PCDHGA3: variants seen among roughly 807,000 people sequenced by gnomAD.
PCDHGA3 encodes protocadherin gamma subfamily A, 3, also known as protocadherin gamma-A3.
A neutral mutation model predicts 58.5 loss-of-function variants in PCDHGA3; 40 were observed. That is an observed-to-expected ratio of 0.68 (90% CI 0.53 to 0.89). The LOEUF (loss-of-function observed/expected upper bound fraction) is 0.89, where lower values mean the gene tolerates loss of function less well. Among genes scored for constraint, PCDHGA3 ranks in the 40% least tolerant of loss-of-function variants. PCDHGA3 has a pLI of 0.00. For synonymous variants in PCDHGA3, 530 were observed against 525.7 expected, an observed-to-expected ratio of 1.01 and a Z score of -0.11; for missense variants, 1,223 against 1,195.9, an observed-to-expected ratio of 1.02 and a Z score of -0.33.
chr5:141,429,851 TC>T (rs1447325775), intron 1 of PCDHGA3, among the ~76,000 whole-genome samples: 2 of 152,224 alleles, frequency 1.3e-5, no homozygotes, highest in African/African-American at 4.8e-5. Context: ...TCTGTAACAT[TC>T]TTTGGACTAC....
At chr5:141,371,131 T>C (rs746254566) in intron 1 of PCDHGA3, 1 of 1,614,004 alleles carries the variant, frequency 6.2e-7, no homozygotes, top group South Asian at 1.1e-5. Flanking sequence ...ACTCAGGACA[T>C]GTACAGGGTC....
rs911461762 is a variant in PCDHGA3 at position 141,512,938 on chromosome 5, T to C, written c.*1765T>C. The stretch of plus-strand genomic sequence containing the variant: ...ACTCTAATATTTATATGGCTTTTTT[T>C]CTTCGACAAAAAAATAATAAAACGT... On this transcript the variant is annotated 3_prime_UTR_variant, in exon 4 of 4. Coordinates refer to ENST00000253812, the MANE Select transcript of PCDHGA3 (RefSeq NM_018916.4). 6.6e-6 allele frequency: 1 copy of C among 151,928 alleles called. No homozygotes were observed. Among genetic ancestry groups the C allele is most frequent in the Non-Finnish European group, 1.5e-5 (1 of 67,934 alleles). The allele number at this position is 151,928 out of a possible 1,614,324, so 9.4% of individuals were successfully genotyped here.
Position 141,476,698 on chromosome 5 carries a change from G to T in PCDHGA3, c.2425-18109G>T. The T allele has an allele frequency of 4.3e-6, 7 of 1,614,056 alleles. No homozygotes were observed. Among genetic ancestry groups the T allele is most frequent in the Non-Finnish European group, 5.9e-6 (7 of 1,179,986 alleles). ...CGCGGGAGGACAGCACCAAGTACGC[G>T]GAGCTGGTGTTGGAGCGCGCCCTGG... On this transcript the variant is annotated intron_variant, in intron 1 of 3. Coordinates refer to ENST00000253812, the MANE Select transcript of PCDHGA3 (RefSeq NM_018916.4). The surrounding 1 kb of genome is among the most constrained non-coding windows in gnomAD (Gnocchi z 7.6).
intron 1 of PCDHGA3, chr5:141,376,548 T>A: frequency 6.2e-7 from 1 of 1,612,424 alleles, no homozygotes; most frequent in South Asian, 1.1e-5. Flanking sequence ...TAATCTGATC[T>A]TCCCGCAACC....
intron 1 of PCDHGA3, chr5:141,423,323 C>T (rs200492485): frequency 6.2e-7 from 1 of 1,614,146 alleles, no homozygotes; most frequent in East Asian, 2.2e-5. Flanking sequence ...GTGGCGGTGG[C>T]CGCAGTCTCC....
chr5:141,476,727 G>A lies in PCDHGA3; in HGVS notation c.2425-18080G>A, dbSNP rs762236731. On this transcript the variant is annotated intron_variant, in intron 1 of 3. Coordinates refer to ENST00000253812, the MANE Select transcript of PCDHGA3 (RefSeq NM_018916.4). This position sits in a 1 kb window ranked among gnomAD's most constrained non-coding sequence, Gnocchi z 7.6. ...CTGGTGTTGGAGCGCGCCCTGGACC[G>A]AGAACGGGAGCCTAGTCTCCAGTTA... 5 of 1,614,108 alleles carry A rather than the reference G, an allele frequency of 3.1e-6. No individual in the cohort carries two copies. Among genetic ancestry groups the A allele is most frequent in the Non-Finnish European group, 4.2e-6 (5 of 1,180,032 alleles).
intron 1 of PCDHGA3, chr5:141,356,208 A>G (rs770917975): frequency 1.2e-6 from 2 of 1,605,788 alleles, no homozygotes; most frequent in Admixed American, 1.7e-5. Context: ...TACTGGTGAC[A>G]GTTCTGGATG....
In PCDHGA3 at chr5:141,346,223, C is replaced by T. The variant is rs376373404; in HGVS notation, c.2190C>T (p.Gly730=). The part of the protein sequence containing the change: ...HKSRLLQASG[G]GLASTPGSHF... Reference sequence around the variant, plus strand: ...CACGCCTGCTGCAGGCTTCGGGAGGCGGCTTGGCGAGTACGCCCGGCTCGC... The same window carrying T: ...CACGCCTGCTGCAGGCTTCGGGAGGTGGCTTGGCGAGTACGCCCGGCTCGC... The change falls in exon 1 of 4, where the codon GGC becomes GGT. Residue 730 remains glycine (G), a synonymous_variant. Coordinates refer to ENST00000253812, the MANE Select transcript of PCDHGA3 (RefSeq NM_018916.4). 48 of 1,614,092 alleles carry T rather than the reference C, an allele frequency of 3.0e-5. No homozygotes were observed. Among genetic ancestry groups the T allele is most frequent in the African/African-American group, 2.0e-4 (15 of 74,956 alleles).
At chr5:141,369,170 A>G (rs374004034) in intron 1 of PCDHGA3, among the ~76,000 whole-genome samples, 1 of 152,236 alleles carries the variant, frequency 6.6e-6, no homozygotes, top group Non-Finnish European at 1.5e-5. Flanking sequence ...AAAAGTGTAA[A>G]TAACAAAAAG....
chr5:141,387,871 G>A (rs1275687057), intron 1 of PCDHGA3: 4 of 1,589,520 alleles, frequency 2.5e-6, no homozygotes, highest in Admixed American at 1.8e-5. Context: ...AGCAAGCTGA[G>A]GAGAGCAAGA....
intron 1 of PCDHGA3, chr5:141,366,857 T>C: frequency 6.9e-6 from 10 of 1,438,966 alleles, no homozygotes; most frequent in Non-Finnish European, 9.4e-6. Flanking sequence ...AGTGGAACAT[T>C]ATTTGCTGTA....
intron 1 of PCDHGA3, among the ~76,000 whole-genome samples, chr5:141,473,858 C>T (rs569473917): frequency 6.6e-6 from 1 of 152,168 alleles, no homozygotes; most frequent in Non-Finnish European, 1.5e-5. Flanking sequence ...ATGAACCTCG[C>T]TATTGTGGAG....
At chr5:141,444,873 C>T (rs1298516499) in intron 1 of PCDHGA3, among the ~76,000 whole-genome samples, 1 of 152,080 alleles carries the variant, frequency 6.6e-6, no homozygotes, top group African/African-American at 2.4e-5. Flanking sequence ...CAGGACAAAG[C>T]TTGTAGGATT....
At chr5:141,383,300 T>C in intron 1 of PCDHGA3, 1 of 1,613,968 alleles carries the variant, frequency 6.2e-7, no homozygotes, top group Non-Finnish European at 8.5e-7. Context: ...CCAAGATTCT[T>C]GACGGAAGAA....
chr5:141,461,480 G>A (rs1478939044), intron 1 of PCDHGA3, among the ~76,000 whole-genome samples: 1 of 151,970 alleles, frequency 6.6e-6, no homozygotes, highest in Non-Finnish European at 1.5e-5. Context: ...ACTTTTTAAT[G>A]GGATTGTGTT....
intron 2 of PCDHGA3, among the ~76,000 whole-genome samples, chr5:141,503,423 C>T (rs1018496430): frequency 6.6e-6 from 1 of 151,752 alleles, no homozygotes; most frequent in Non-Finnish European, 1.5e-5. Context: ...GGTGAAACCC[C>T]ATCTCTACTA....
At chr5:141,463,583 G>A (rs1444995569) in intron 1 of PCDHGA3, among the ~76,000 whole-genome samples, 1 of 151,598 alleles carries the variant, frequency 6.6e-6, no homozygotes, top group African/African-American at 2.4e-5. Flanking sequence ...CGAGTAGCTG[G>A]GACTACAGGT....
intron 1 of PCDHGA3, chr5:141,398,604 T>A: frequency 6.2e-7 from 1 of 1,614,048 alleles, no homozygotes; most frequent in Non-Finnish European, 8.5e-7. Flanking sequence ...TAGCAGAAGA[T>A]GCAGATATTG....
Position 141,485,920 on chromosome 5 carries a change from T to C in PCDHGA3, c.2425-8887T>C, listed in dbSNP as rs1374948804. ...CCTTCCAGCAATCCAGCTACAGGAT[T>C]AGTGTGTTGGAGAGCGCACCAGCGG... On this transcript the variant is annotated intron_variant, in intron 1 of 3. Transcript: ENST00000253812. This position sits in a 1 kb window ranked among gnomAD's most constrained non-coding sequence, Gnocchi z 5.7. 1.2e-6 allele frequency: 2 copies of C among 1,614,038 alleles called. No individual in the cohort carries two copies. Among genetic ancestry groups the C allele is most frequent in the Non-Finnish European group, 1.7e-6 (2 of 1,180,010 alleles).
Sources: gnomAD v4.1 joint callset for allele counts (sites outside exome capture counted in the v4.1 genomes callset) on GRCh38, gnomAD v4.1.1 for gene constraint, Gnocchi (gnomAD v3.1) non-coding constraint, MANE v1.5 for transcripts, NCBI Gene and HGNC (gene_info 2026-07-23, HGNC 2026-07-21) for gene names.